CDC14B: variants seen among roughly 807,000 people sequenced by gnomAD.
CDC14B encodes cell division cycle 14B.
CDC14B carries 22 observed loss-of-function variants against 64.2 expected under a neutral mutation model. The ratio of observed to expected loss-of-function variants is 0.34; its 90% confidence interval spans 0.24 to 0.49. CDC14B has a LOEUF of 0.49. CDC14B is among the 20% of genes least tolerant of loss of function. The probability of loss-of-function intolerance (pLI) is 0.99; values close to 1 mark genes in which losing one functional copy is unlikely to be tolerated. For synonymous variants in CDC14B, 191 were observed against 215.8 expected (o/e 0.89, Z 1.01); for missense variants, 498 against 629.9 (o/e 0.79, Z 2.24).
intron 7 of CDC14B, among the ~76,000 whole-genome samples, chr9:96,537,534 C>T (rs995577357): frequency 1.3e-5 from 2 of 152,142 alleles, no homozygotes; most frequent in African/African-American, 4.8e-5. Context: ...GCTAAGATTA[C>T]ACTTTTCTGA....
chr9:96,543,035 C>A (rs1170289272), intron 5 of CDC14B, among the ~76,000 whole-genome samples: 1 of 151,176 alleles, frequency 6.6e-6, no homozygotes, highest in Non-Finnish European at 1.5e-5. Context: ...AAACAACAAG[C>A]CCAAAACACC....
At chr9:96,543,956 C>T (rs1189931369) in intron 5 of CDC14B, among the ~76,000 whole-genome samples, 3 of 152,178 alleles carry the variant, frequency 2.0e-5, no homozygotes, top group Admixed American at 1.3e-4. Context: ...TGGTGGCTCA[C>T]GCCTGTAATC....
chr9:96,505,400 A>T (rs994442677), intron 13 of CDC14B, among the ~76,000 whole-genome samples: 1 of 152,166 alleles, frequency 6.6e-6, no homozygotes. Context: ...TTATCATTTT[A>T]AAAAAAGAAG....
At chr9:96,557,475 A>T (rs1406055489) in intron 4 of CDC14B, among the ~76,000 whole-genome samples, 1 of 152,150 alleles carries the variant, frequency 6.6e-6, no homozygotes, top group Non-Finnish European at 1.5e-5. Flanking sequence ...TTCCCAACTG[A>T]TCCTTTCCTC....
chr9:96,610,723 G>GA (rs1847260352), intron 1 of CDC14B, among the ~76,000 whole-genome samples: 1 of 150,308 alleles, frequency 6.7e-6, no homozygotes, highest in Non-Finnish European at 1.5e-5. Flanking sequence ...AAGAGCCTAT[G>GA]AAAGTGAAAT....
At chr9:96,520,508 G>C (rs1836528514) in intron 12 of CDC14B, among the ~76,000 whole-genome samples, 1 of 152,128 alleles carries the variant, frequency 6.6e-6, no homozygotes, top group South Asian at 2.1e-4. Flanking sequence ...GCCACGCCCA[G>C]CTAGATTTGA....
intron 5 of CDC14B, among the ~76,000 whole-genome samples, chr9:96,544,981 G>C (rs1275697169): frequency 1.3e-5 from 2 of 152,112 alleles, no homozygotes; most frequent in Admixed American, 1.3e-4. Context: ...AGCAGCACCA[G>C]GACCACCCCA....
At chr9:96,594,818 T>G (rs1411861107) in intron 1 of CDC14B, among the ~76,000 whole-genome samples, 1 of 150,292 alleles carries the variant, frequency 6.7e-6, no homozygotes, top group Non-Finnish European at 1.5e-5. Context: ...CACTCCTAAG[T>G]CATCATGGGG....
At chr9:96,580,714 T>G (rs948374499) in intron 1 of CDC14B, among the ~76,000 whole-genome samples, 1 of 152,122 alleles carries the variant, frequency 6.6e-6, no homozygotes, top group Non-Finnish European at 1.5e-5. Context: ...ACTATAGCAG[T>G]GTCTGCAGTA....
chr9:96,597,399 C>G (rs1013424425), intron 1 of CDC14B, among the ~76,000 whole-genome samples: 2 of 151,250 alleles, frequency 1.3e-5, no homozygotes, highest in African/African-American at 4.9e-5. Flanking sequence ...GAGGCTGAGG[C>G]AGGAGAAACG....
intron 12 of CDC14B, among the ~76,000 whole-genome samples, chr9:96,518,964 G>A: frequency 6.6e-6 from 1 of 151,738 alleles, no homozygotes; most frequent in Non-Finnish European, 1.5e-5. Context: ...GTGAAACCCT[G>A]TCTCTACTAA....
intron 12 of CDC14B, 118 bp downstream of exon 12, chr9:96,522,388 T>C: frequency 1.4e-6 from 1 of 740,146 alleles, no homozygotes; most frequent in East Asian, 2.5e-5. Context: ...TAGGCAAGCA[T>C]TTCAAAGTGG....
intron 1 of CDC14B, among the ~76,000 whole-genome samples, chr9:96,605,361 C>G (rs1846819688): frequency 6.6e-6 from 1 of 152,116 alleles, no homozygotes; most frequent in Admixed American, 6.6e-5. Context: ...TGATCATTCC[C>G]CACTCCCCAG....
intron 1 of CDC14B, among the ~76,000 whole-genome samples, chr9:96,571,939 T>C (rs527623873): frequency 2.0e-5 from 3 of 152,050 alleles, no homozygotes; most frequent in Middle Eastern, 3.4e-3. Flanking sequence ...GTGTAGATTA[T>C]ACCCTTTTTG....
Position 96,534,290 on chromosome 9 carries a change from A to G in CDC14B, c.716-133T>C, listed in dbSNP as rs1464928302. 3.3e-5 allele frequency: 26 copies of G among 787,220 alleles called. No homozygotes were observed. The East Asian group carries it at 6.7e-4, about 20-fold the overall frequency. The allele number at this position is 787,220 out of a possible 1,614,324, so 48.8% of individuals were successfully genotyped here. A position where few individuals can be genotyped will look rare whatever the true frequency, so the allele number is the denominator to read the frequency against. On this transcript the variant is annotated intron_variant, in intron 8 of 13. Transcript: ENST00000375241. ...CAATTTGATTATAACTGTAAAAAAC[A>G]AAAGAAAAGAAAGTTAAAATCCAGT...
chr9:96,517,643 CAA>C (rs1016405679), intron 12 of CDC14B, among the ~76,000 whole-genome samples: 13 of 34,640 alleles, frequency 3.8e-4, no homozygotes, highest in Admixed American at 3.4e-3. Flanking sequence ...GACTCCGTCT[CAA>C]AAAAAAAAAA....
At chr9:96,594,159 A>G (rs1845934465) in intron 1 of CDC14B, among the ~76,000 whole-genome samples, 1 of 150,728 alleles carries the variant, frequency 6.6e-6, no homozygotes, top group Non-Finnish European at 1.5e-5. Flanking sequence ...CCTGAGACAC[A>G]GGAAACAAAA....
intron 12 of CDC14B, among the ~76,000 whole-genome samples, chr9:96,510,753 CCACCACCT>C (rs1390186817): frequency 6.6e-6 from 1 of 151,890 alleles, no homozygotes; most frequent in East Asian, 1.9e-4. Context: ...CCGCAGGCGC[CCACCACCT>C]CACCTGGTTA....
downstream of CDC14B, among the ~76,000 whole-genome samples, chr9:96,496,884 C>T (rs1376687832): frequency 6.6e-6 from 1 of 152,248 alleles, no homozygotes; most frequent in Non-Finnish European, 1.5e-5. Context: ...GAGCCGTTCC[C>T]AGCTGGGGGC....
Sources: allele counts gnomAD v4.1 joint callset (sites outside exome capture counted in the v4.1 genomes callset), GRCh38; gene constraint gnomAD v4.1.1; transcripts MANE v1.5; gene names NCBI Gene and HGNC (gene_info 2026-07-23, HGNC 2026-07-21).